The following SDK1 variants were observed in gnomAD, a reference collection of about 807,000 sequenced individuals.
SDK1 encodes the protein sidekick cell adhesion molecule 1.
A neutral mutation model predicts 245.5 loss-of-function variants in SDK1; 157 were observed. The ratio of observed to expected loss-of-function variants is 0.64; its 90% CI spans 0.56 to 0.73. The LOEUF is 0.73. Ranked by LOEUF, SDK1 falls within the 30% of genes least tolerant of loss-of-function variation. The pLI, the probability that SDK1 is intolerant of heterozygous loss-of-function variation, is 0.00. For synonymous variants in SDK1, 1,647 were observed against 1,278.5 expected, an observed-to-expected ratio of 1.29 and a Z score of -6.15; for missense variants, 3,583 against 3,002.3, an observed-to-expected ratio of 1.19 and a Z score of -4.52.
chr7:3,333,399 C>T (rs1257079481), intron 1 of SDK1, among the ~76,000 whole-genome samples: 1 of 152,066 alleles, frequency 6.6e-6, no homozygotes, highest in Non-Finnish European at 1.5e-5. Context: ...CCTTATGTTG[C>T]CATTTAATGA....
intron 4 of SDK1, among the ~76,000 whole-genome samples, chr7:3,816,234 C>A (rs28837786): frequency 0.014 from 2,050 of 151,136 alleles, 45 homozygotes; most frequent in African/African-American, 0.048. Flanking sequence ...AGGGCAAGAA[C>A]TAACTAAAAT....
intron 10 of SDK1, among the ~76,000 whole-genome samples, chr7:3,968,770 C>T (rs544954108): frequency 6.6e-6 from 1 of 152,196 alleles, no homozygotes; most frequent in South Asian, 2.1e-4. Context: ...ATTTCTTTTC[C>T]TACAATTTTC....
In SDK1 at chr7:4,237,729, G is replaced by C. The variant is rs1194084444; in HGVS notation, c.6075G>C (p.Val2025=). ...ALSSLIVILL[V]VFALVLHGQN... ...CCAGCCTGATCGTCATCCTGCTGGTGGTGTTCGCCCTCGTCCTGCACGGGC... is the reference window on the plus strand; with the variant it reads ...CCAGCCTGATCGTCATCCTGCTGGTCGTGTTCGCCCTCGTCCTGCACGGGC... The change falls in exon 42 of 45, where the codon GTG becomes GTC. Residue 2025 remains valine (V), a synonymous_variant. Coordinates refer to ENST00000404826, the MANE Select transcript of SDK1 (RefSeq NM_152744.4). The C allele has an allele frequency of 1.2e-6, 2 of 1,614,058 alleles. No homozygotes were observed. The highest frequency in any genetic ancestry group is 3.3e-5 in the Admixed American group (2 of 60,008).
intron 30 of SDK1, among the ~76,000 whole-genome samples, chr7:4,157,173 T>G (rs1183288125): frequency 1.3e-5 from 2 of 150,646 alleles, no homozygotes; most frequent in Admixed American, 6.6e-5. Context: ...CACGGAAGAG[T>G]TTGGCTGAAG....
At position 4,259,892 on chromosome 7, in the gene SDK1, C is replaced by G. The variant is rs546676146; in HGVS notation, c.6382-5232C>G. ...GGTTGGGGAGCTCAGGTGCAGGCTC[C>G]CACCCAGCCTCTCTCGCTGAGCCTT... is the stretch of plus-strand genomic sequence containing the variant. On this transcript the variant is annotated intron_variant, in intron 44 of 44. Transcript: ENST00000404826. Among the ~76,000 whole-genome samples, 143 of 152,258 alleles carry G rather than the reference C, an allele frequency of 9.4e-4. 1 individual carries two copies. Among genetic ancestry groups the G allele is most frequent in the African/African-American group, 3.4e-3 (140 of 41,540 alleles).
chr7:4,107,609 C>CGCTA, intron 22 of SDK1, among the ~76,000 whole-genome samples: 1 of 152,128 alleles, frequency 6.6e-6, no homozygotes, highest in Non-Finnish European at 1.5e-5. Context: ...ACTCTGAAAC[C>CGCTA]GCTAAACCAT....
intron 40 of SDK1, among the ~76,000 whole-genome samples, chr7:4,225,506 T>C (rs939596259): frequency 1.4e-4 from 22 of 152,132 alleles, no homozygotes; most frequent in Non-Finnish European, 2.8e-4. Flanking sequence ...CAGGCAGCGA[T>C]AAGGCATTGG....
At chr7:3,561,044 G>T (rs1463468823) in intron 1 of SDK1, among the ~76,000 whole-genome samples, 2 of 152,022 alleles carry the variant, frequency 1.3e-5, no homozygotes, top group Non-Finnish European at 2.9e-5. Context: ...TATGTTTTAT[G>T]TGGTGAGGAT....
At chr7:3,471,603 TTTGGC>T (rs1384373833) in intron 1 of SDK1, among the ~76,000 whole-genome samples, 11 of 152,320 alleles carry the variant, frequency 7.2e-5, no homozygotes, top group Non-Finnish European at 1.3e-4. Flanking sequence ...ATGTTTTCAG[TTTGGC>T]TCAGATGTTT....
At chr7:3,895,014 G>C (rs1001844708) in intron 5 of SDK1, among the ~76,000 whole-genome samples, 4 of 152,006 alleles carry the variant, frequency 2.6e-5, no homozygotes, top group Non-Finnish European at 5.9e-5. Flanking sequence ...GATTACCAGC[G>C]TGTCTCTAAT....
intron 5 of SDK1, among the ~76,000 whole-genome samples, chr7:3,830,365 C>T (rs1779883625): frequency 3.3e-5 from 5 of 152,184 alleles, no homozygotes; most frequent in Admixed American, 3.3e-4. Flanking sequence ...GTAATTCCTC[C>T]AATCTACCTT....
At chr7:3,472,592 A>G (rs989519885) in intron 1 of SDK1, among the ~76,000 whole-genome samples, 2 of 152,242 alleles carry the variant, frequency 1.3e-5, no homozygotes, top group East Asian at 3.9e-4. Context: ...GGTAAAAATG[A>G]TTACTTCCCT....
At chr7:4,048,036 G>T (rs576179171) in intron 17 of SDK1, among the ~76,000 whole-genome samples, 113 of 152,254 alleles carry the variant, frequency 7.4e-4, no homozygotes, top group Non-Finnish European at 1.5e-3. Flanking sequence ...CTGCATGCCT[G>T]GGAAGAGAAG....
intron 4 of SDK1, among the ~76,000 whole-genome samples, chr7:3,664,350 C>A (rs1026387440): frequency 1.3e-5 from 2 of 152,116 alleles, no homozygotes; most frequent in Non-Finnish European, 2.9e-5. Context: ...TGCTTTGTGG[C>A]AAAGTATAAC....
intron 1 of SDK1, among the ~76,000 whole-genome samples, chr7:3,459,818 CT>C (rs1240419751): frequency 1.9e-4 from 29 of 152,228 alleles, no homozygotes; most frequent in South Asian, 2.1e-4. Flanking sequence ...CTCTCCAGTA[CT>C]GTTTGAACTG....
chr7:4,241,789 T>G lies in SDK1; in HGVS notation c.6131-4T>G. ...TCTGTTCTCACTCTCCTGCTGGGCT[T>G]TAGGAAAGGGGATCTCCACCATGGA... On this transcript the variant is annotated splice_polypyrimidine_tract_variant and splice_region_variant and intron_variant, in intron 42 of 44. Coordinates refer to ENST00000404826, the MANE Select transcript of SDK1 (RefSeq NM_152744.4). 1 of 1,613,996 alleles carries G rather than the reference T, an allele frequency of 6.2e-7. No individual in the cohort carries two copies. The highest frequency in any genetic ancestry group is 8.5e-7 in the Non-Finnish European group (1 of 1,179,982).
intron 4 of SDK1, among the ~76,000 whole-genome samples, chr7:3,799,086 A>C (rs1779039568): frequency 6.6e-6 from 1 of 152,166 alleles, no homozygotes; most frequent in South Asian, 2.1e-4. Context: ...GTATGGATTT[A>C]ATGTCATTGG....
At chr7:3,788,710 G>A (rs531170419) in intron 4 of SDK1, among the ~76,000 whole-genome samples, 12 of 152,324 alleles carry the variant, frequency 7.9e-5, no homozygotes, top group African/African-American at 2.6e-4. Flanking sequence ...ATGAATTTGT[G>A]TTGGGCTGTG....
chr7:3,533,595 G>C (rs762149306), intron 1 of SDK1, among the ~76,000 whole-genome samples: 2 of 152,110 alleles, frequency 1.3e-5, no homozygotes, highest in Non-Finnish European at 2.9e-5. Flanking sequence ...TGGGTACTCT[G>C]TTTATCCTTA....
Sources: allele counts gnomAD v4.1 joint callset (sites outside exome capture counted in the v4.1 genomes callset), GRCh38; gene constraint gnomAD v4.1.1; transcripts MANE v1.5; gene names NCBI Gene and HGNC (gene_info 2026-07-23, HGNC 2026-07-21).